The following PIK3CG variants were observed in gnomAD, a reference collection of about 807,000 sequenced individuals.
The protein encoded by PIK3CG is phosphatidylinositol-4,5-bisphosphate 3-kinase catalytic subunit gamma, also known as phosphatidylinositol 4,5-bisphosphate 3-kinase catalytic subunit gamma isoform.
Under a neutral mutation model 102.3 loss-of-function variants are expected in PIK3CG, and 55 were observed. The observed-to-expected ratio is 0.54, with a 90% CI of 0.43 to 0.67. The LOEUF (loss-of-function observed/expected upper bound fraction) is 0.67, where lower values mean the gene tolerates loss of function less well. Ranked by LOEUF, PIK3CG falls within the 30% of genes least tolerant of loss-of-function variation. The pLI is 0.00. For missense variants in PIK3CG, 1,258 were observed against 1,391.8 expected, an observed-to-expected ratio of 0.90 and a Z score of 1.53; for synonymous variants, 552 against 540.0, an observed-to-expected ratio of 1.02 and a Z score of -0.31.
In PIK3CG at chr7:106,891,070, C is replaced by A. The variant is rs577279236; in HGVS notation, c.3030+4778C>A. On this transcript the variant is annotated intron_variant, in intron 10 of 10. Transcript: ENST00000496166. The surrounding 1 kb of genome is among the most constrained non-coding windows in gnomAD (Gnocchi z 4.4). ...TTCTGTTTGTCTTTCCCTATCCCAACTGTGAGCTCTGTGCAGCAGGGCCAC... is the reference window on the plus strand; with the variant it reads ...TTCTGTTTGTCTTTCCCTATCCCAAATGTGAGCTCTGTGCAGCAGGGCCAC... Among the ~76,000 whole-genome samples the A allele has an allele frequency of 6.6e-6, 1 of 152,352 alleles. No homozygotes were observed. The highest frequency in any genetic ancestry group is 2.1e-4 in the South Asian group (1 of 4,828).
rs1462124151 is a variant in PIK3CG, at chr7:106,899,396, T to C, written c.3031-5713T>C. Among the ~76,000 whole-genome samples, 1 of 152,224 alleles carries C rather than the reference T, an allele frequency of 6.6e-6. No homozygotes were observed. The highest frequency in any genetic ancestry group is 1.5e-5 in the Non-Finnish European group (1 of 68,042). On this transcript the variant is annotated intron_variant, in intron 10 of 10. Transcript: ENST00000496166. This position sits in a 1 kb window ranked among gnomAD's most constrained non-coding sequence, Gnocchi z 4.6. The stretch of plus-strand genomic sequence containing the variant: ...TTGCTCTGGCCAGGACTTCCAATAC[T>C]ATGTTGAATAGAAGTGGTGAGAGAG...
rs1332066178 is a variant in PIK3CG at position 106,906,144 on chromosome 7, A to G, written c.*757A>G. The G allele has an allele frequency of 4.4e-6, 1 of 227,976 alleles. No homozygotes were observed. Among genetic ancestry groups the G allele is most frequent in the African/African-American group, 2.2e-5 (1 of 44,630 alleles). The allele number at this position is 227,976 out of a possible 1,614,324, so 14.1% of individuals were successfully genotyped here. A position where few individuals can be genotyped will look rare whatever the true frequency, so the allele number is the denominator to read the frequency against. On this transcript the variant is annotated 3_prime_UTR_variant, in exon 11 of 11. Coordinates refer to ENST00000496166, the MANE Select transcript of PIK3CG (RefSeq NM_001282426.2). ...TCCAGCATGGCAGCAGGAAGTAACTACAGGGCCTCTTTTATGCCTGACATT... is the reference window on the plus strand; with the variant it reads ...TCCAGCATGGCAGCAGGAAGTAACTGCAGGGCCTCTTTTATGCCTGACATT...
At chr7:106,898,280 C>A (rs1791459475) in intron 10 of PIK3CG, among the ~76,000 whole-genome samples, 1 of 152,112 alleles carries the variant, frequency 6.6e-6, no homozygotes, top group Non-Finnish European at 1.5e-5. Flanking sequence ...GGATATTAGA[C>A]CTTTGTCAGA....
Position 106,899,934 on chromosome 7 carries a change from G to C in PIK3CG, c.3031-5175G>C, listed in dbSNP as rs771841260. ...AATAGCTTATATAGGAAGGGTACCA[G>C]CTCTTCTTTGTACATCTGGTAGAAT... On this transcript the variant is annotated intron_variant, in intron 10 of 10. Coordinates refer to ENST00000496166, the MANE Select transcript of PIK3CG (RefSeq NM_001282426.2). The surrounding 1 kb of genome is among the most constrained non-coding windows in gnomAD (Gnocchi z 4.6). Among the ~76,000 whole-genome samples, 6 of 152,302 alleles carry C rather than the reference G, an allele frequency of 3.9e-5. No homozygotes were observed. Among genetic ancestry groups the C allele is most frequent in the Admixed American group, 2.0e-4 (3 of 15,304 alleles).
chr7:106,868,104 G>A lies in PIK3CG; in HGVS notation c.543G>A (p.Val181=), dbSNP rs1274514704. Residue 181 remains valine, a synonymous_variant, in exon 2 of 11, where the codon GTG becomes GTA. Coordinates refer to ENST00000496166, the MANE Select transcript of PIK3CG (RefSeq NM_001282426.2). This position sits in a 1 kb window ranked among gnomAD's most constrained non-coding sequence, Gnocchi z 6.2. ...TGGAGTTCACGCGCCGTGGCTTGGT[G>A]ACCCCGCGCATGGCGGAGGTGGCCA... ...DELEFTRRGL[V]TPRMAEVASR... is the part of the protein sequence containing the mutation. The A allele has an allele frequency of 1.2e-6, 2 of 1,612,756 alleles. No individual in the cohort carries two copies. The highest frequency in any genetic ancestry group is 1.7e-6 in the Non-Finnish European group (2 of 1,179,228).
chr7:106,886,017 A>T, intron 9 of PIK3CG, 118 bp from the exon 10 acceptor site: 1 of 879,574 alleles, frequency 1.1e-6, no homozygotes, highest in Non-Finnish European at 1.7e-6. Context: ...CAAACTGACA[A>T]ACATTGTAAA....
At chr7:106,885,077 C>T (rs888935200) in intron 9 of PIK3CG, among the ~76,000 whole-genome samples, 1 of 152,162 alleles carries the variant, frequency 6.6e-6, no homozygotes, top group African/African-American at 2.4e-5. Context: ...GATGAAGTTG[C>T]TCACTTGCCC....
At position 106,869,922 on chromosome 7, in the gene PIK3CG, C is replaced by T. The variant is rs1790474656; in HGVS notation, c.1995+366C>T. Among the ~76,000 whole-genome samples, 1 of 152,136 alleles carries T rather than the reference C, an allele frequency of 6.6e-6. No homozygotes were observed. The highest frequency in any genetic ancestry group is 2.4e-5 in the African/African-American group (1 of 41,414). ...CAGTGTATTATCTCATTTAACTCTTCCAATAACTATGATGGAGGTCAAATT... is the reference window on the plus strand; with the variant it reads ...CAGTGTATTATCTCATTTAACTCTTTCAATAACTATGATGGAGGTCAAATT... On this transcript the variant is annotated intron_variant, in intron 2 of 10. Transcript: ENST00000496166. This position sits in a 1 kb window ranked among gnomAD's most constrained non-coding sequence, Gnocchi z 5.3.
chr7:106,874,867 G>A lies in PIK3CG; in HGVS notation c.2391+64G>A, dbSNP rs1171525721. On this transcript the variant is annotated intron_variant, in intron 5 of 10. Coordinates refer to ENST00000496166, the MANE Select transcript of PIK3CG (RefSeq NM_001282426.2). The surrounding 1 kb of genome is among the most constrained non-coding windows in gnomAD (Gnocchi z 4.3). ...CTTGAAGATGTCTAACGTGCTTGCT[G>A]GGGCCCAGTACTTAAAAGCTAATGT... is the stretch of plus-strand genomic sequence containing the variant. The A allele has an allele frequency of 1.1e-5, 12 of 1,048,214 alleles. No homozygotes were observed. The highest frequency in any genetic ancestry group is 1.8e-5 in the Non-Finnish European group (12 of 681,682). The allele number at this position is 1,048,214 out of a possible 1,614,324, so 64.9% of individuals were successfully genotyped here. A position where few individuals can be genotyped will look rare whatever the true frequency, so the allele number is the denominator to read the frequency against.
In PIK3CG at chr7:106,883,234, A is replaced by G. The variant is rs1487907530; in HGVS notation, c.2760+71A>G. The G allele has an allele frequency of 1.3e-6, 2 of 1,493,582 alleles. No individual in the cohort carries two copies. Among genetic ancestry groups the G allele is most frequent in the African/African-American group, 1.4e-5 (1 of 71,944 alleles). 92.5% of individuals were successfully genotyped at this position (1,493,582 alleles called of 1,614,324 possible). ...CATTTATATAGCAGTAGTGGCTTCAAGTTTTCAGAGAATCTGCCAGTGTCT... is the reference window on the plus strand; with the variant it reads ...CATTTATATAGCAGTAGTGGCTTCAGGTTTTCAGAGAATCTGCCAGTGTCT... On this transcript the variant is annotated intron_variant, in intron 8 of 10. Transcript: ENST00000496166. The surrounding 1 kb of genome is among the most constrained non-coding windows in gnomAD (Gnocchi z 5.8).
chr7:106,873,215 C>T (rs532395831), intron 4 of PIK3CG, among the ~76,000 whole-genome samples: 1 of 152,336 alleles, frequency 6.6e-6, no homozygotes, highest in East Asian at 1.9e-4. Context: ...GTTGCATACA[C>T]AAAGATTAGA....
At chr7:106,889,242 C>G (rs1791206523) in intron 10 of PIK3CG, among the ~76,000 whole-genome samples, 1 of 152,138 alleles carries the variant, frequency 6.6e-6, no homozygotes, top group African/African-American at 2.4e-5. Context: ...GGAAAAAAAC[C>G]TGAACACCAC....
Position 106,892,725 on chromosome 7 carries a change from G to A in PIK3CG, c.3030+6433G>A, listed in dbSNP as rs1791296218. 6.6e-6 allele frequency among the ~76,000 whole-genome samples: 1 copy of A among 152,172 alleles called. No homozygotes were observed. The highest frequency in any genetic ancestry group is 1.5e-5 in the Non-Finnish European group (1 of 68,022). On this transcript the variant is annotated intron_variant, in intron 10 of 10. Coordinates refer to ENST00000496166, the MANE Select transcript of PIK3CG (RefSeq NM_001282426.2). The surrounding 1 kb of genome is among the most constrained non-coding windows in gnomAD (Gnocchi z 5.2). ...AAGAGTGTCCACAGTGGTTTGCAGA[G>A]GGAGCAATTAATCCTGCCCTAGAGG...
intron 2 of PIK3CG, among the ~76,000 whole-genome samples, chr7:106,871,435 A>G (rs775171898): frequency 1.2e-4 from 19 of 152,246 alleles, no homozygotes; most frequent in Non-Finnish European, 1.5e-5. Flanking sequence ...TGAAGCCACT[A>G]GTGATCATGT....
At position 106,894,376 on chromosome 7, in the gene PIK3CG, G is replaced by A. The variant is rs907430841; in HGVS notation, c.3030+8084G>A. On this transcript the variant is annotated intron_variant, in intron 10 of 10. Transcript: ENST00000496166. This position sits in a 1 kb window ranked among gnomAD's most constrained non-coding sequence, Gnocchi z 4.4. The stretch of plus-strand genomic sequence containing the variant: ...TAGCTAAATATTCGAGAAGATGACA[G>A]TACAGCCCTTCTCCTGGTAAACAGA... Among the ~76,000 whole-genome samples the A allele has an allele frequency of 6.6e-6, 1 of 152,168 alleles. No homozygotes were observed. Among genetic ancestry groups the A allele is most frequent in the African/African-American group, 2.4e-5 (1 of 41,456 alleles).
In PIK3CG at chr7:106,869,404, G is replaced by A. The variant is rs1426277818; in HGVS notation, c.1843G>A (p.Glu615Lys). ...AKTYQLLARREVWDQSALDVG... is the reference protein window; with the variant it reads ...AKTYQLLARRKVWDQSALDVG... Reference sequence around the variant, plus strand: ...AACATACCAATTGTTGGCCAGAAGGGAAGTCTGGGATCAAAGTGCTTTGGA... The same window carrying A: ...AACATACCAATTGTTGGCCAGAAGGAAAGTCTGGGATCAAAGTGCTTTGGA... The change falls in exon 2 of 11, where the codon GAA (glutamate) becomes AAA (lysine). Residue 615 changes from glutamate to lysine, a missense_variant. Physicochemically the swap from Glu to Lys is moderately conservative, Grantham distance 56 (BLOSUM62 1). Around this residue, in one of 2 missense-constraint regions of PIK3CG, gnomAD observed 426 missense variants for 604.2 expected, o/e 0.71. Coordinates refer to ENST00000496166, the MANE Select transcript of PIK3CG (RefSeq NM_001282426.2). This position sits in a 1 kb window ranked among gnomAD's most constrained non-coding sequence, Gnocchi z 5.3. 3 of 1,614,130 alleles carry A rather than the reference G, an allele frequency of 1.9e-6. No individual in the cohort carries two copies. The African/African-American group carries it at 4.0e-5, about 22-fold the overall frequency.
At chr7:106,889,805 A>G (rs1791220839) in intron 10 of PIK3CG, among the ~76,000 whole-genome samples, 1 of 152,220 alleles carries the variant, frequency 6.6e-6, no homozygotes, top group Admixed American at 6.5e-5. Flanking sequence ...GCCTAGGACC[A>G]TAGTCACACT....
chr7:106,896,266 T>C (rs1791405256), intron 10 of PIK3CG, among the ~76,000 whole-genome samples: 1 of 152,182 alleles, frequency 6.6e-6, no homozygotes, highest in African/African-American at 2.4e-5. Context: ...TTATAATAAC[T>C]TGGCCTCAGG....
rs938311460 is a variant in PIK3CG at position 106,867,476 on chromosome 7, TC to T, written c.-12-71del. ...CATGTACGCCGCCTATACCTCCTCT[TC>T]CCTCATCTCACCAGAAAATATAAGG... On this transcript the variant is annotated intron_variant, in intron 1 of 10. Coordinates refer to ENST00000496166, the MANE Select transcript of PIK3CG (RefSeq NM_001282426.2). This position sits in a 1 kb window ranked among gnomAD's most constrained non-coding sequence, Gnocchi z 5.1. 2 of 1,360,952 alleles carry T rather than the reference TC, an allele frequency of 1.5e-6. No homozygotes were observed. Among genetic ancestry groups the T allele is most frequent in the African/African-American group, 2.9e-5 (2 of 68,630 alleles). The allele number at this position is 1,360,952 out of a possible 1,614,324, so 84.3% of individuals were successfully genotyped here.
Sources: allele counts gnomAD v4.1 joint callset (sites outside exome capture counted in the v4.1 genomes callset), GRCh38; gene constraint gnomAD v4.1.1; regional missense constraint gnomAD v4.1.1; non-coding constraint Gnocchi (gnomAD v3.1); transcripts MANE v1.5; gene names NCBI Gene and HGNC (gene_info 2026-07-23, HGNC 2026-07-21).